TAF4B: variants seen among roughly 807,000 people sequenced by gnomAD.
The protein encoded by TAF4B is transcription initiation factor TFIID subunit 4B.
In TAF4B, 38 loss-of-function variants were observed where a neutral mutation model predicts 86.4. The observed-to-expected ratio is 0.44, with a 90% CI of 0.34 to 0.58. The LOEUF (loss-of-function observed/expected upper bound fraction) is 0.58, where lower values mean the gene tolerates loss of function less well. TAF4B is among the 20% of genes least tolerant of loss of function. The probability of loss-of-function intolerance (pLI) is 0.02; values close to 1 mark genes in which losing one functional copy is unlikely to be tolerated. For missense variants in TAF4B, 988 were observed against 1,027.6 expected (o/e 0.96, Z 0.53); for synonymous variants, 388 against 391.2 (o/e 0.99, Z 0.10).
Position 26,327,947 on chromosome 18 carries a change from A to G in TAF4B, c.2259+807A>G, listed in dbSNP as rs559227056. Among the ~76,000 whole-genome samples, 3 of 152,322 alleles carry G rather than the reference A, an allele frequency of 2.0e-5. No homozygotes were observed. The South Asian group carries it at 6.2e-4, about 32-fold the overall frequency. On this transcript the variant is annotated intron_variant, in intron 12 of 14. Transcript: ENST00000269142. ...CGTTTTCTTGGGCTATTAGTGTCAC[A>G]TGAGGTAAAAGCTAATTCCACTACA...
At chr18:26,274,564 A>G in intron 3 of TAF4B, 99 bp from the exon 4 acceptor site, 6 of 1,337,248 alleles carry the variant, frequency 4.5e-6, no homozygotes, top group Non-Finnish European at 5.2e-6. Flanking sequence ...ACATAAAACC[A>G]CAGATGTCAA....
At chr18:26,237,120 C>T (rs2144444261) in intron 1 of TAF4B, among the ~76,000 whole-genome samples, 1 of 152,326 alleles carries the variant, frequency 6.6e-6, no homozygotes, top group South Asian at 2.1e-4. Context: ...GTCTGGGTCC[C>T]AGTGGGGATC....
intron 1 of TAF4B, among the ~76,000 whole-genome samples, chr18:26,233,610 A>C (rs1220657972): frequency 6.6e-6 from 1 of 152,206 alleles, no homozygotes; most frequent in African/African-American, 2.4e-5. Context: ...CGCTGCATGC[A>C]TAAAGGGGCT....
intron 13 of TAF4B, among the ~76,000 whole-genome samples, chr18:26,337,025 A>T (rs995993286): frequency 1.3e-5 from 2 of 152,232 alleles, no homozygotes; most frequent in Non-Finnish European, 2.9e-5. Context: ...TGTACCAAAA[A>T]AATGCCTCTG....
intron 14 of TAF4B, among the ~76,000 whole-genome samples, chr18:26,388,404 G>A (rs867884740): frequency 3.2e-4 from 49 of 152,112 alleles, no homozygotes; most frequent in African/African-American, 1.1e-3. Context: ...AAAATATTGC[G>A]GATAACCTGT....
chr18:26,231,650 G>A (rs1246274368), intron 1 of TAF4B, among the ~76,000 whole-genome samples: 4 of 152,042 alleles, frequency 2.6e-5, no homozygotes, highest in African/African-American at 7.2e-5. Context: ...ACTGTGCCCC[G>A]TCTATTGTGT....
chr18:26,277,589 T>C (rs2056398575), intron 5 of TAF4B, among the ~76,000 whole-genome samples: 2 of 152,268 alleles, frequency 1.3e-5, no homozygotes, highest in South Asian at 4.2e-4. Context: ...TGATATGTTA[T>C]TTTTTTGGGA....
At chr18:26,309,817 AT>A (rs1173978484) in intron 9 of TAF4B, among the ~76,000 whole-genome samples, 1 of 151,892 alleles carries the variant, frequency 6.6e-6, no homozygotes, top group African/African-American at 2.4e-5. Context: ...TGGTCATCCT[AT>A]TAATATTTAT....
chr18:26,334,403 G>A (rs1341477427), intron 12 of TAF4B, among the ~76,000 whole-genome samples: 1 of 152,112 alleles, frequency 6.6e-6, no homozygotes, highest in East Asian at 1.9e-4. Context: ...AGATTTATAA[G>A]CAATTAAATA....
intron 14 of TAF4B, among the ~76,000 whole-genome samples, chr18:26,375,599 TA>T (rs1315621301): frequency 6.6e-6 from 1 of 152,222 alleles, no homozygotes; most frequent in Non-Finnish European, 1.5e-5. Flanking sequence ...ACTGCCATTG[TA>T]ATGTGTGTAG....
chr18:26,325,948 A>G (rs571706469), intron 11 of TAF4B, among the ~76,000 whole-genome samples: 12 of 152,360 alleles, frequency 7.9e-5, no homozygotes, highest in African/African-American at 2.9e-4. Context: ...TCTTGGGCAT[A>G]TGAAATCCCT....
intron 14 of TAF4B, among the ~76,000 whole-genome samples, chr18:26,372,156 T>C (rs1343628042): frequency 6.6e-6 from 1 of 152,188 alleles, no homozygotes; most frequent in African/African-American, 2.4e-5. Flanking sequence ...CCCACATTGG[T>C]TTCCTGACCC....
chr18:26,241,989 A>T (rs2055846760), intron 1 of TAF4B, among the ~76,000 whole-genome samples: 2 of 152,164 alleles, frequency 1.3e-5, no homozygotes, highest in African/African-American at 4.8e-5. Flanking sequence ...TTTGCTGGGG[A>T]GTGCTTTACT....
chr18:26,376,807 G>T (rs939961989), intron 14 of TAF4B, among the ~76,000 whole-genome samples: 13 of 151,924 alleles, frequency 8.6e-5, no homozygotes, highest in African/African-American at 3.1e-4. Flanking sequence ...GTTAGCAGTG[G>T]GTTTCTCATA....
Position 26,265,232 on chromosome 18 carries a change from A to G in TAF4B, c.406A>G (p.Thr136Ala). The change falls in exon 2 of 15, where the codon ACA (threonine) becomes GCA (alanine). Residue 136 changes from threonine (T) to alanine (A), a missense_variant. Coordinates refer to ENST00000269142, the MANE Select transcript of TAF4B (RefSeq NM_005640.3). Reference sequence around the variant, plus strand: ...GTTGGTATCTCCTCAGCAAACTGTAACAAGAGCCGAGACCACAAGTAACAT... The same window carrying G: ...GTTGGTATCTCCTCAGCAAACTGTAGCAAGAGCCGAGACCACAAGTAACAT... ...LMLVSPQQTV[T>A]RAETTSNITS... 1 of 1,614,146 alleles carries G rather than the reference A, an allele frequency of 6.2e-7. No individual in the cohort carries two copies. The highest frequency in any genetic ancestry group is 2.2e-5 in the East Asian group (1 of 44,878).
chr18:26,245,462 G>A (rs1243756764), intron 1 of TAF4B, among the ~76,000 whole-genome samples: 1 of 152,142 alleles, frequency 6.6e-6, no homozygotes, highest in Non-Finnish European at 1.5e-5. Context: ...GCTGCTGGCT[G>A]GGGTGGCCAG....
chr18:26,239,288 G>A (rs2055798947), intron 1 of TAF4B, among the ~76,000 whole-genome samples: 2 of 152,134 alleles, frequency 1.3e-5, no homozygotes, highest in African/African-American at 4.8e-5. Flanking sequence ...CATTCTAACT[G>A]GTGTGAGATG....
chr18:26,254,180 G>T (rs1568106607), intron 1 of TAF4B, among the ~76,000 whole-genome samples: 1 of 151,534 alleles, frequency 6.6e-6, no homozygotes, highest in East Asian at 1.9e-4. Flanking sequence ...TACCTACGTT[G>T]GCCTCCCAAA....
Position 26,286,095 on chromosome 18 carries a change from T to A in TAF4B, c.1186T>A (p.Leu396Met). ...TAPRTVSVQT[L>M]NPLAGPVGAK... ...ACCCAGAACTGTGTCAGTGCAAACT[T>A]TGAACCCACTTGCTGGTCCAGTGGG... Residue 396 changes from leucine to methionine, a missense_variant, in exon 7 of 15, where the codon TTG (leucine) becomes ATG (methionine). By Grantham distance (15) the Leu-to-Met change is conservative. Coordinates refer to ENST00000269142, the MANE Select transcript of TAF4B (RefSeq NM_005640.3). 6.2e-7 allele frequency: 1 copy of A among 1,614,222 alleles called. No individual in the cohort carries two copies. The highest frequency in any genetic ancestry group is 8.5e-7 in the Non-Finnish European group (1 of 1,180,036).
Sources: allele counts gnomAD v4.1 joint callset (sites outside exome capture counted in the v4.1 genomes callset), GRCh38; gene constraint gnomAD v4.1.1; transcripts MANE v1.5; gene names NCBI Gene and HGNC (gene_info 2026-07-23, HGNC 2026-07-21).